EBF3: variants seen among roughly 807,000 people sequenced by gnomAD.
The protein encoded by EBF3 is transcription factor COE3.
EBF3 carries 18 observed loss-of-function variants against 77.1 expected under a neutral mutation model. That is an observed-to-expected ratio of 0.23 (90% CI 0.16 to 0.35). The LOEUF (loss-of-function observed/expected upper bound fraction) is 0.35. Among genes scored for constraint, EBF3 ranks in the 10% least tolerant of loss-of-function variants. The pLI is 1.00. For synonymous variants in EBF3, 350 were observed against 343.5 expected (o/e 1.02, Z -0.21); for missense variants, 558 against 860.0 (o/e 0.65, Z 4.39).
chr10:129,898,949 G>A (rs1043660114), intron 6 of EBF3, among the ~76,000 whole-genome samples: 1 of 152,232 alleles, frequency 6.6e-6, no homozygotes, highest in Non-Finnish European at 1.5e-5. Flanking sequence ...CGAGTAAGGA[G>A]AAGACGTTTT....
chr10:129,957,180 G>T, intron 6 of EBF3, 78 bp downstream of exon 6: 1 of 1,309,432 alleles, frequency 7.6e-7, no homozygotes, highest in Non-Finnish European at 1.1e-6. Context: ...AAAATATGGA[G>T]CAACTGGAAA....
In EBF3 at chr10:129,958,966, G is replaced by A. The variant is rs1227206387; in HGVS notation, c.453C>T (p.Cys151=). Residue 151 remains cysteine (C), a synonymous_variant, in exon 5 of 17, where the codon TGC becomes TGT. Coordinates refer to ENST00000440978, the MANE Select transcript of EBF3 (RefSeq NM_001375380.1). ...TGATCTCGTGGGTCAGCAGCACACG[G>A]CACATCTCCGGGTTCTTGTCCTGGC... ...YEGQDKNPEM[C]RVLLTHEIMC... 2 of 1,601,226 alleles carry A rather than the reference G, an allele frequency of 1.2e-6. No homozygotes were observed. Among genetic ancestry groups the A allele is most frequent in the Middle Eastern group, 1.7e-4 (1 of 6,014 alleles).
rs767069879 is a variant in EBF3, at chr10:129,841,589, G to A, written c.1372+527C>T. Among the ~76,000 whole-genome samples, 6 of 152,134 alleles carry A rather than the reference G, an allele frequency of 3.9e-5. No individual in the cohort carries two copies. The highest frequency in any genetic ancestry group is 2.1e-4 in the South Asian group (1 of 4,824). The stretch of plus-strand genomic sequence containing the variant: ...GGTGTTTTCTAAGATCACTGCCTGC[G>A]CGCTTTTCAATGAAGAAAACTAAAA... On this transcript the variant is annotated intron_variant, in intron 13 of 16. Coordinates refer to ENST00000440978, the MANE Select transcript of EBF3 (RefSeq NM_001375380.1). This position sits in a 1 kb window ranked among gnomAD's most constrained non-coding sequence, Gnocchi z 4.6.
At position 129,841,046 on chromosome 10, in the gene EBF3, C is replaced by CCCCT; in HGVS notation, c.1373-15_1373-14insAGGG. The CCCCT allele has an allele frequency of 3.1e-6, 5 of 1,602,596 alleles. No individual in the cohort carries two copies. The highest frequency in any genetic ancestry group is 2.6e-6 in the Non-Finnish European group (3 of 1,174,594). On this transcript the variant is annotated splice_polypyrimidine_tract_variant and intron_variant, in intron 13 of 16. Transcript: ENST00000440978. The surrounding 1 kb of genome is among the most constrained non-coding windows in gnomAD (Gnocchi z 4.6). ...GACTGTAGCCGACTGTTGAAATCCC[C>CCCCT]CCCCCGGCCAAAAATAACATTATTA...
rs1853518484 is a variant in EBF3 at position 129,885,602 on chromosome 10, C to A, written c.555-7753G>T. The stretch of plus-strand genomic sequence containing the variant: ...TTCTTTCCCCCCTTTACCTATTTCT[C>A]TATTTCTAATGGGCAATGCAGCACT... On this transcript the variant is annotated intron_variant, in intron 6 of 16. Coordinates refer to ENST00000440978, the MANE Select transcript of EBF3 (RefSeq NM_001375380.1). The surrounding 1 kb of genome is among the most constrained non-coding windows in gnomAD (Gnocchi z 4.0). Among the ~76,000 whole-genome samples the A allele has an allele frequency of 6.6e-6, 1 of 152,170 alleles. No homozygotes were observed. The highest frequency in any genetic ancestry group is 6.5e-5 in the Admixed American group (1 of 15,270).
At chr10:129,907,711 C>A (rs1855244923) in intron 6 of EBF3, among the ~76,000 whole-genome samples, 1 of 152,128 alleles carries the variant, frequency 6.6e-6, no homozygotes, top group African/African-American at 2.4e-5. Context: ...ATTAATGAGA[C>A]TGGATAGAGA....
At chr10:129,924,428 AAC>A (rs1491063799) in intron 6 of EBF3, among the ~76,000 whole-genome samples, 2 of 125,396 alleles carry the variant, frequency 1.6e-5, no homozygotes, top group South Asian at 2.4e-4. Flanking sequence ...CAACAACAAC[AAC>A]AAAAAAAAAA....
intron 10 of EBF3, among the ~76,000 whole-genome samples, chr10:129,862,678 C>T (rs1851724994): frequency 6.6e-6 from 1 of 152,182 alleles, no homozygotes; most frequent in Non-Finnish European, 1.5e-5. Context: ...CAGTAACACA[C>T]GCATTTGTGC....
intron 6 of EBF3, among the ~76,000 whole-genome samples, chr10:129,898,837 G>A (rs954396024): frequency 2.6e-5 from 4 of 152,066 alleles, no homozygotes; most frequent in African/African-American, 4.8e-5. Flanking sequence ...CTCCTCCCGC[G>A]CCCAGGCCCC....
chr10:129,914,762 C>T (rs1184025769), intron 6 of EBF3, among the ~76,000 whole-genome samples: 2 of 152,180 alleles, frequency 1.3e-5, no homozygotes, highest in Non-Finnish European at 2.9e-5. Context: ...CCTGCAGAGG[C>T]TTCAGCTGCC....
At chr10:129,903,343 G>A (rs1004696062) in intron 6 of EBF3, among the ~76,000 whole-genome samples, 3 of 152,198 alleles carry the variant, frequency 2.0e-5, no homozygotes, top group Admixed American at 6.5e-5. Flanking sequence ...CCTTGGACTG[G>A]GCTTCCCTTG....
intron 6 of EBF3, among the ~76,000 whole-genome samples, chr10:129,921,210 A>G (rs1173774537): frequency 1.3e-5 from 2 of 152,076 alleles, no homozygotes; most frequent in Non-Finnish European, 2.9e-5. Flanking sequence ...GCAGTGGGCA[A>G]GGGGTCCCTG....
At chr10:129,874,950 G>A (rs1167253256) in intron 7 of EBF3, among the ~76,000 whole-genome samples, 4 of 152,158 alleles carry the variant, frequency 2.6e-5, no homozygotes, top group Non-Finnish European at 5.9e-5. Context: ...GTACACGGGC[G>A]ATCTCTGTAC....
chr10:129,846,854 C>T (rs1390176993), intron 11 of EBF3, among the ~76,000 whole-genome samples: 1 of 148,936 alleles, frequency 6.7e-6, no homozygotes, highest in East Asian at 2.0e-4. Context: ...GCTAACTGAT[C>T]TGTCACCCTG....
chr10:129,861,818 T>C lies in EBF3; in HGVS notation c.1039+5323A>G, dbSNP rs1374693868. ...AGCATTGAGTTGAGCATAGTAAAAATAGTATGATTTGTGGGCGGCAATTAA... is the reference window on the plus strand; with the variant it reads ...AGCATTGAGTTGAGCATAGTAAAAACAGTATGATTTGTGGGCGGCAATTAA... On this transcript the variant is annotated intron_variant, in intron 10 of 16. Coordinates refer to ENST00000440978, the MANE Select transcript of EBF3 (RefSeq NM_001375380.1). This position sits in a 1 kb window ranked among gnomAD's most constrained non-coding sequence, Gnocchi z 4.3. 1.3e-5 allele frequency among the ~76,000 whole-genome samples: 2 copies of C among 152,150 alleles called. No individual in the cohort carries two copies. The highest frequency in any genetic ancestry group is 1.3e-4 in the Admixed American group (2 of 15,280).
rs1850139946 is a variant in EBF3, at chr10:129,842,435, T to C, written c.1195-142A>G. ...TCTATTTCTTAATGGGCAAAGAGCT[T>C]CCCCTAGAAAATCATTTACTGACGC... On this transcript the variant is annotated intron_variant, in intron 12 of 16. Transcript: ENST00000440978. This position sits in a 1 kb window ranked among gnomAD's most constrained non-coding sequence, Gnocchi z 4.4. 2.0e-6 allele frequency: 2 copies of C among 989,718 alleles called. No homozygotes were observed. Among genetic ancestry groups the C allele is most frequent in the East Asian group, 2.9e-5 (1 of 34,614 alleles). 61.3% of individuals were successfully genotyped at this position (989,718 alleles called of 1,614,324 possible). A position where few individuals can be genotyped will look rare whatever the true frequency, so the allele number is the denominator to read the frequency against.
At chr10:129,934,582 T>C (rs546691736) in intron 6 of EBF3, among the ~76,000 whole-genome samples, 1 of 152,280 alleles carries the variant, frequency 6.6e-6, no homozygotes, top group South Asian at 2.1e-4. Context: ...CTCATTTGCA[T>C]ACTATTAAGT....
At chr10:129,843,836 T>C (rs1315022477) in intron 11 of EBF3, among the ~76,000 whole-genome samples, 1 of 152,262 alleles carries the variant, frequency 6.6e-6, no homozygotes, top group Non-Finnish European at 1.5e-5. Context: ...AAGGACTTCA[T>C]AAATGCCTTC....
At position 129,861,725 on chromosome 10, in the gene EBF3, G is replaced by A. The variant is rs1318389339; in HGVS notation, c.1039+5416C>T. Among the ~76,000 whole-genome samples the A allele has an allele frequency of 6.6e-6, 1 of 152,174 alleles. No individual in the cohort carries two copies. The highest frequency in any genetic ancestry group is 1.5e-5 in the Non-Finnish European group (1 of 68,034). ...GATGATGAGAGTCACTGACAGAATT[G>A]AGCCAAAGATTCCCCAAACTCCAGG... On this transcript the variant is annotated intron_variant, in intron 10 of 16. Coordinates refer to ENST00000440978, the MANE Select transcript of EBF3 (RefSeq NM_001375380.1). The surrounding 1 kb of genome is among the most constrained non-coding windows in gnomAD (Gnocchi z 4.3).
Sources: gnomAD v4.1 joint callset for allele counts (sites outside exome capture counted in the v4.1 genomes callset) on GRCh38, gnomAD v4.1.1 for gene constraint, Gnocchi (gnomAD v3.1) non-coding constraint, MANE v1.5 for transcripts, NCBI Gene and HGNC (gene_info 2026-07-23, HGNC 2026-07-21) for gene names.